Variants in MTCL2 observed in about 807,000 individuals in gnomAD.
MTCL2 encodes microtubule cross-linking factor 2.
chr20:36,804,906 C>T, the MTCL2 span: 1 of 1,605,832 alleles, frequency 6.2e-7, no homozygotes, highest in South Asian at 1.1e-5. Flanking sequence ...CATTGGGCTG[C>T]AGACAGGAGG....
the MTCL2 span, among the ~76,000 whole-genome samples, chr20:36,808,971 A>G: frequency 6.6e-6 from 1 of 152,230 alleles, no homozygotes; most frequent in African/African-American, 2.4e-5. Flanking sequence ...CTGGCTCTAA[A>G]AAACCATGAC....
the MTCL2 span, among the ~76,000 whole-genome samples, chr20:36,790,789 T>A: frequency 2.1e-3 from 312 of 151,232 alleles, no homozygotes; most frequent in African/African-American, 7.4e-3. Flanking sequence ...TTGCTCAGAC[T>A]GGTCTTGAAC....
At chr20:36,860,547 ATC>A in the MTCL2 span, among the ~76,000 whole-genome samples, 2 of 152,112 alleles carry the variant, frequency 1.3e-5, no homozygotes, top group Admixed American at 6.6e-5. Context: ...GATGAAGAGG[ATC>A]TATTCTGCCC....
chr20:36,819,129 GA>G, the MTCL2 span, among the ~76,000 whole-genome samples: 10 of 152,106 alleles, frequency 6.6e-5, no homozygotes, highest in Non-Finnish European at 1.3e-4. Context: ...CCTACAGAGG[GA>G]ATTGGAGGAA....
the MTCL2 span, among the ~76,000 whole-genome samples, chr20:36,860,702 G>C: frequency 2.0e-5 from 3 of 152,208 alleles, no homozygotes; most frequent in Non-Finnish European, 4.4e-5. Context: ...GTTGAGGTTG[G>C]AAAGCGTGTT....
the MTCL2 span, among the ~76,000 whole-genome samples, chr20:36,797,944 G>C: frequency 2.8e-4 from 43 of 152,288 alleles, no homozygotes; most frequent in African/African-American, 9.6e-4. Flanking sequence ...CACAGTGGCC[G>C]TCATTTATGG....
chr20:36,804,929 C>A, the MTCL2 span: 1 of 1,599,662 alleles, frequency 6.3e-7, no homozygotes, highest in African/African-American at 1.3e-5. Context: ...AAACCTGAGT[C>A]AAGAGCCTCT....
the MTCL2 span, among the ~76,000 whole-genome samples, chr20:36,833,972 G>C: frequency 7.6e-4 from 115 of 152,246 alleles, no homozygotes; most frequent in African/African-American, 2.6e-3. Context: ...AGACCAGACC[G>C]GTCAACACGG....
the MTCL2 span, chr20:36,793,966 C>A: frequency 6.4e-3 from 9,914 of 1,551,554 alleles, 586 homozygotes; most frequent in African/African-American, 0.12. The surrounding 1 kb of genome is among the most constrained non-coding windows in gnomAD (Gnocchi z 6.8). Flanking sequence ...CCAGGCCCAC[C>A]GTCTGGCTGG....
the MTCL2 span, among the ~76,000 whole-genome samples, chr20:36,827,740 G>GT: frequency 6.6e-6 from 1 of 152,158 alleles, no homozygotes; most frequent in Non-Finnish European, 1.5e-5. Context: ...GGAGAGGCTG[G>GT]GTGAACTCAG....
the MTCL2 span, among the ~76,000 whole-genome samples, chr20:36,820,267 C>A: frequency 1.3e-5 from 2 of 152,124 alleles, no homozygotes; most frequent in Non-Finnish European, 2.9e-5. Flanking sequence ...CTGCAGACTC[C>A]CTGGAGGAAG....
chr20:36,863,319 G>A, the MTCL2 span: 1 of 1,180,374 alleles, frequency 8.5e-7, no homozygotes, highest in Non-Finnish European at 1.0e-6. The surrounding 1 kb of genome is among the most constrained non-coding windows in gnomAD (Gnocchi z 6.2). Flanking sequence ...GCCCCGGACC[G>A]GGGGCTCGGC....
the MTCL2 span, chr20:36,859,598 C>G: frequency 2.4e-6 from 3 of 1,231,692 alleles, no homozygotes; most frequent in Non-Finnish European, 3.0e-6. Context: ...CTCCTTCTAT[C>G]TTCTCACTGG....
the MTCL2 span, chr20:36,839,358 C>A: frequency 1.9e-6 from 3 of 1,613,064 alleles, no homozygotes; most frequent in Non-Finnish European, 2.5e-6. This position sits in a 1 kb window ranked among gnomAD's most constrained non-coding sequence, Gnocchi z 5.1. Flanking sequence ...GCTGCTGTCG[C>A]AGCTCCTGCA....
the MTCL2 span, among the ~76,000 whole-genome samples, chr20:36,851,355 A>G: frequency 6.6e-6 from 1 of 152,238 alleles, no homozygotes; most frequent in South Asian, 2.1e-4. Flanking sequence ...TTTTCATCAC[A>G]TACAAAAGAA....
the MTCL2 span, chr20:36,812,864 C>A: frequency 6.2e-7 from 1 of 1,606,008 alleles, no homozygotes; most frequent in East Asian, 2.2e-5. Context: ...GAGGCACAGG[C>A]AGAACAAACC....
the MTCL2 span, among the ~76,000 whole-genome samples, chr20:36,825,900 G>C: frequency 6.6e-6 from 1 of 152,324 alleles, no homozygotes; most frequent in Non-Finnish European, 1.5e-5. Context: ...AAAAGGATGT[G>C]AACCAGTGTT....
At chr20:36,802,395 G>A in the MTCL2 span, among the ~76,000 whole-genome samples, 349 of 152,304 alleles carry the variant, frequency 2.3e-3, 1 homozygote, top group East Asian at 1.5e-3. Context: ...AACTATAATG[G>A]GGAGTGAGGG....
the MTCL2 span, chr20:36,803,027 C>T: frequency 8.7e-6 from 14 of 1,603,092 alleles, no homozygotes; most frequent in South Asian, 1.1e-5. Flanking sequence ...GGTGCTGCTG[C>T]TCCTCACGCT....
Sources: gnomAD v4.1 joint callset for allele counts (sites outside exome capture counted in the v4.1 genomes callset) on GRCh38, gnomAD v4.1.1 for gene constraint, Gnocchi (gnomAD v3.1) non-coding constraint, MANE v1.5 for transcripts, NCBI Gene and HGNC (gene_info 2026-07-23, HGNC 2026-07-21) for gene names.